TTC34: variants seen among roughly 807,000 people sequenced by gnomAD.
TTC34 encodes tetratricopeptide repeat domain 34.
Under a neutral mutation model 40.7 loss-of-function variants are expected in TTC34, and 44 were observed. The ratio of observed to expected loss-of-function variants is 1.08; its 90% CI spans 0.85 to 1.39. The LOEUF is 1.39. TTC34 is among the 40% of genes most tolerant of loss of function. TTC34 has a pLI of 0.00. For synonymous variants in TTC34, 422 were observed against 398.6 expected (o/e 1.06, Z -0.70); for missense variants, 884 against 838.0 (o/e 1.05, Z -0.68).
intron 6 of TTC34, among the ~76,000 whole-genome samples, chr1:2,655,126 ACCGACACCCCCAGG>A (rs1639296097): frequency 7.5e-6 from 1 of 132,770 alleles, no homozygotes; most frequent in East Asian, 2.3e-4. Context: ...CTGGAACAGC[ACCGACACCCCCAGG>A]TGAGCATCCG....
intron 2 of TTC34, among the ~76,000 whole-genome samples, chr1:2,797,923 A>G (rs1038731271): frequency 6.6e-6 from 1 of 151,978 alleles, no homozygotes; most frequent in Non-Finnish European, 1.5e-5. Flanking sequence ...TCTAACTCTC[A>G]GACATGTGGT....
chr1:2,778,366 G>A (rs1643382133), intron 6 of TTC34, among the ~76,000 whole-genome samples: 1 of 152,226 alleles, frequency 6.6e-6, no homozygotes, highest in African/African-American at 2.4e-5. Context: ...GAAAGTGCAG[G>A]GCCCCGGGGC....
At position 2,695,678 on chromosome 1, in the gene TTC34, C is replaced by A. The variant is rs374764424; in HGVS notation, c.2227-50115G>T. ...ACCGCCTGGAACAGCACCCACACCCCCAGGTGAGCATCTGACAGCCTGGAA... is the reference window on the plus strand; with the variant it reads ...ACCGCCTGGAACAGCACCCACACCCACAGGTGAGCATCTGACAGCCTGGAA... On this transcript the variant is annotated intron_variant, in intron 6 of 8. Coordinates refer to ENST00000401095, the Ensembl canonical transcript of TTC34. Among the ~76,000 whole-genome samples, 1,367 of 147,796 alleles carry A rather than the reference C, an allele frequency of 9.2e-3. 30 individuals carry two copies. The highest frequency in any genetic ancestry group is 0.069 in the East Asian group (346 of 4,982).
rs769483674 is a variant in TTC34 at position 2,644,463 on chromosome 1, G to C, written c.2513C>G (p.Ala838Gly). Residue 838 changes from alanine (A) to glycine (G), a missense_variant, in exon 8 of 9, where the codon GCT (alanine) becomes GGT (glycine). Coordinates refer to ENST00000401095, the Ensembl canonical transcript of TTC34. ...CAGGGCTTTTTCCAGGTGGGTGCCA[G>C]CTTCCTCGTAGCTGCCTGTCAGGGA... 7.6e-5 allele frequency: 117 copies of C among 1,533,550 alleles called. 1 individual carries two copies. The Middle Eastern group carries it at 1.8e-3, about 24-fold the overall frequency. The allele number at this position is 1,533,550 out of a possible 1,614,324, so 95.0% of individuals were successfully genotyped here. A position where few individuals can be genotyped will look rare whatever the true frequency, so the allele number is the denominator to read the frequency against.
chr1:2,684,738 C>T (rs1457109751), intron 6 of TTC34, among the ~76,000 whole-genome samples: 1 of 109,610 alleles, frequency 9.1e-6, no homozygotes, highest in East Asian at 2.9e-4. Context: ...CATCCGACAG[C>T]CTGGAACAGC....
At chr1:2,786,412 C>T (rs1643589802) in intron 4 of TTC34, among the ~76,000 whole-genome samples, 1 of 152,196 alleles carries the variant, frequency 6.6e-6, no homozygotes, top group Admixed American at 6.5e-5. Flanking sequence ...GGTGGGGGTC[C>T]CACAGCGGCC....
intron 6 of TTC34, among the ~76,000 whole-genome samples, chr1:2,782,508 T>TTG (rs1366551013): frequency 1.3e-4 from 19 of 151,376 alleles, no homozygotes; most frequent in Admixed American, 1.1e-3. Flanking sequence ...TGTAATCTTT[T>TTG]TCTCTCTCTC....
chr1:2,687,398 A>G (rs1640413199), intron 6 of TTC34, among the ~76,000 whole-genome samples: 1 of 151,032 alleles, frequency 6.6e-6, no homozygotes, highest in Non-Finnish European at 1.5e-5. Flanking sequence ...CTGGAACGGC[A>G]CCCACACCCC....
chr1:2,675,178 A>G (rs1252931260), intron 6 of TTC34, among the ~76,000 whole-genome samples: 9 of 138,842 alleles, frequency 6.5e-5, no homozygotes, highest in African/African-American at 2.3e-4. Context: ...GGAGCATCTG[A>G]CATCCTGGAG....
At chr1:2,677,606 TGCCC>T in intron 6 of TTC34, among the ~76,000 whole-genome samples, 1 of 2,974 alleles carries the variant, frequency 3.4e-4, no homozygotes, top group Non-Finnish European at 7.1e-4. Flanking sequence ...AACAGCACGC[TGCCC>T]CCCCAGGTGA....
intron 6 of TTC34, among the ~76,000 whole-genome samples, chr1:2,677,973 T>A (rs1325362976): frequency 7.7e-4 from 4 of 5,228 alleles, no homozygotes; most frequent in Non-Finnish European, 1.2e-3. Context: ...GCAACCACAC[T>A]CCCAGGCGAG....
intron 6 of TTC34, among the ~76,000 whole-genome samples, chr1:2,767,593 A>C: frequency 8.4e-6 from 1 of 119,746 alleles, no homozygotes; most frequent in South Asian, 3.6e-4. Context: ...AGTCTGGAAC[A>C]GCATCCACAC....
At chr1:2,786,747 C>T (rs1335182300) in intron 4 of TTC34, among the ~76,000 whole-genome samples, 1 of 152,180 alleles carries the variant, frequency 6.6e-6, no homozygotes, top group East Asian at 1.9e-4. Flanking sequence ...CGAGGGGAGA[C>T]CTCCACCCCA....
intron 6 of TTC34, among the ~76,000 whole-genome samples, chr1:2,694,933 CCTT>C (rs1640790676): frequency 7.1e-6 from 1 of 141,422 alleles, no homozygotes. Context: ...CACCTGACAT[CCTT>C]GAGCAGCACC....
intron 5 of TTC34, among the ~76,000 whole-genome samples, chr1:2,785,431 C>T (rs368456942): frequency 2.4e-4 from 36 of 152,260 alleles, no homozygotes; most frequent in African/African-American, 7.9e-4. Context: ...GGTGGGGAGG[C>T]CAGGCGTGCA....
intron 6 of TTC34, among the ~76,000 whole-genome samples, chr1:2,768,288 G>A (rs1238681857): frequency 1.3e-5 from 2 of 152,284 alleles, no homozygotes; most frequent in East Asian, 3.9e-4. Context: ...AGGTGCCATT[G>A]TAGGTTTTTG....
intron 6 of TTC34, among the ~76,000 whole-genome samples, chr1:2,756,827 CCCG>C (rs1641523025): frequency 4.9e-4 from 31 of 62,938 alleles, no homozygotes; most frequent in African/African-American, 1.5e-3. Flanking sequence ...GAACCCACAC[CCCG>C]AGGCGAGCAT....
chr1:2,752,205 C>G (rs1641342569), intron 6 of TTC34, among the ~76,000 whole-genome samples: 2 of 121,062 alleles, frequency 1.7e-5, no homozygotes, highest in African/African-American at 3.6e-5. Flanking sequence ...GAACAGAACC[C>G]ACACCCCCAG....
chr1:2,645,267 T>A lies in TTC34; in HGVS notation c.2497+26A>T. The A allele has an allele frequency of 6.9e-7, 1 of 1,442,128 alleles. No homozygotes were observed. Among genetic ancestry groups the A allele is most frequent in the Non-Finnish European group, 9.1e-7 (1 of 1,099,564 alleles). The allele number at this position is 1,442,128 out of a possible 1,614,324, so 89.3% of individuals were successfully genotyped here. A position where few individuals can be genotyped will look rare whatever the true frequency, so the allele number is the denominator to read the frequency against. ...CGGGGACAGAAGCCCAGACCCCGTG[T>A]TTCCCACCTTGGGGCCGCCGCATAC... On this transcript the variant is annotated intron_variant, in intron 7 of 8. Transcript: ENST00000401095. This position sits in a 1 kb window ranked among gnomAD's most constrained non-coding sequence, Gnocchi z 4.7.
Sources: allele counts gnomAD v4.1 joint callset (sites outside exome capture counted in the v4.1 genomes callset), GRCh38; gene constraint gnomAD v4.1.1; non-coding constraint Gnocchi (gnomAD v3.1); transcripts MANE v1.5; gene names NCBI Gene and HGNC (gene_info 2026-07-23, HGNC 2026-07-21).